Variants in SLIT3 observed in about 807,000 individuals in gnomAD.
SLIT3 encodes the protein slit homolog 3 protein.
A neutral mutation model predicts 184.0 loss-of-function variants in SLIT3; 68 were observed. The ratio of observed to expected loss-of-function variants is 0.37; its 90% CI spans 0.30 to 0.45. The LOEUF (loss-of-function observed/expected upper bound fraction) is 0.45, where lower values mean the gene tolerates loss of function less well. SLIT3 is among the 20% of genes least tolerant of loss of function. The pLI is 1.00. For missense variants in SLIT3, 1,707 were observed against 2,026.0 expected (o/e 0.84, Z 3.02); for synonymous variants, 831 against 828.6 (o/e 1.00, Z -0.05).
intron 4 of SLIT3, among the ~76,000 whole-genome samples, chr5:169,120,709 G>A (rs147351173): frequency 8.9e-4 from 135 of 152,286 alleles, no homozygotes; most frequent in African/African-American, 3.2e-3. Flanking sequence ...CCTTGCACAC[G>A]TGCCTGTTCT....
chr5:169,213,903 G>A (rs1295536984), intron 3 of SLIT3, among the ~76,000 whole-genome samples: 1 of 152,196 alleles, frequency 6.6e-6, no homozygotes, highest in African/African-American at 2.4e-5. Flanking sequence ...AGACTCAGAA[G>A]CTTGGAAGGA....
intron 4 of SLIT3, among the ~76,000 whole-genome samples, chr5:169,168,834 G>A (rs1004989133): frequency 1.4e-4 from 21 of 150,016 alleles, no homozygotes; most frequent in African/African-American, 4.9e-4. Context: ...AGGGGAAATG[G>A]GGGCAAATTG....
intron 32 of SLIT3, among the ~76,000 whole-genome samples, chr5:168,683,557 G>A (rs913372855): frequency 6.6e-6 from 1 of 152,026 alleles, no homozygotes; most frequent in Non-Finnish European, 1.5e-5. Context: ...TGCTCCCTCC[G>A]TGCCCTTGAG....
chr5:169,180,460 A>C (rs1763119189), intron 4 of SLIT3, among the ~76,000 whole-genome samples: 1 of 152,208 alleles, frequency 6.6e-6, no homozygotes, highest in Non-Finnish European at 1.5e-5. Context: ...TTAGATTGAC[A>C]ATGAACAACA....
chr5:168,852,468 G>T lies in SLIT3; in HGVS notation c.486-7813C>A, dbSNP rs570585842. Reference sequence around the variant, plus strand: ...ATTTCTTCCTGGATAGGAGGTCAGTGCCCAGGTGAGATGTTAGTTTTCATT... The same window carrying T: ...ATTTCTTCCTGGATAGGAGGTCAGTTCCCAGGTGAGATGTTAGTTTTCATT... On this transcript the variant is annotated intron_variant, in intron 5 of 35. Coordinates refer to ENST00000519560, the MANE Select transcript of SLIT3 (RefSeq NM_003062.4). Among the ~76,000 whole-genome samples, 7 of 152,284 alleles carry T rather than the reference G, an allele frequency of 4.6e-5. No homozygotes were observed. In the South Asian group the frequency reaches 1.5e-3, roughly 32 times the overall value.
At chr5:168,717,540 T>C (rs1326306105) in intron 23 of SLIT3, among the ~76,000 whole-genome samples, 1 of 152,204 alleles carries the variant, frequency 6.6e-6, no homozygotes, top group Admixed American at 6.5e-5. Flanking sequence ...TTGTGTCTCA[T>C]TCACTGTTTG....
chr5:169,290,999 C>T (rs1351735323), intron 1 of SLIT3, among the ~76,000 whole-genome samples: 2 of 152,148 alleles, frequency 1.3e-5, no homozygotes, highest in Non-Finnish European at 2.9e-5. Context: ...TGCTGGCAGA[C>T]TTTCAGGAGC....
chr5:169,068,973 A>G (rs1370304108), intron 4 of SLIT3, among the ~76,000 whole-genome samples: 1 of 152,180 alleles, frequency 6.6e-6, no homozygotes. Context: ...TCTTTACAAC[A>G]CATAGAATAA....
intron 4 of SLIT3, among the ~76,000 whole-genome samples, chr5:168,884,080 CCTTT>C (rs1259341817): frequency 2.6e-5 from 4 of 151,832 alleles, no homozygotes; most frequent in Non-Finnish European, 4.4e-5. Context: ...AGCCTTACTT[CCTTT>C]CTAAGAAAGA....
Position 168,671,460 on chromosome 5 carries a change from A to T in SLIT3, c.3865T>A (p.Ser1289Thr). 1 of 1,612,068 alleles carries T rather than the reference A, an allele frequency of 6.2e-7. No homozygotes were observed. The highest frequency in any genetic ancestry group is 8.5e-7 in the Non-Finnish European group (1 of 1,179,362). Reference protein sequence around the residue: ...LGGIPTSTGLSALRQGTDRPL... With the variant: ...LGGIPTSTGLTALRQGTDRPL... ...CGGTCCGTGCCCTGGCGCAAGGCAGAGAGGCCGGTGGAGGTGGGGATGCCT... is the reference window on the plus strand; with the variant it reads ...CGGTCCGTGCCCTGGCGCAAGGCAGTGAGGCCGGTGGAGGTGGGGATGCCT... The change falls in exon 34 of 36, where the codon TCT becomes ACT. Residue 1289 changes from serine (S) to threonine (T), a missense_variant. Ser to Thr is a moderately conservative substitution (Grantham distance 58). This residue lies in a region of SLIT3 where 387 missense variants were observed against 477.9 expected (regional missense o/e 0.81). Coordinates refer to ENST00000519560, the MANE Select transcript of SLIT3 (RefSeq NM_003062.4).
At chr5:168,755,362 T>C (rs1754855449) in intron 16 of SLIT3, among the ~76,000 whole-genome samples, 1 of 147,060 alleles carries the variant, frequency 6.8e-6, no homozygotes, top group African/African-American at 2.5e-5. Context: ...AAAGTGAGCT[T>C]GGTCCTATCA....
chr5:169,032,284 T>G (rs187262975), intron 4 of SLIT3, among the ~76,000 whole-genome samples: 2 of 152,214 alleles, frequency 1.3e-5, no homozygotes, highest in Non-Finnish European at 2.9e-5. Context: ...TTTTTTTATC[T>G]CTGTGTCCTG....
At chr5:168,704,166 C>T (rs373783057) in intron 26 of SLIT3, among the ~76,000 whole-genome samples, 3 of 152,050 alleles carry the variant, frequency 2.0e-5, no homozygotes, top group South Asian at 4.1e-4. Flanking sequence ...TTTTAATAAG[C>T]TCTCCAGTGA....
At chr5:169,069,754 C>G (rs1758478545) in intron 4 of SLIT3, among the ~76,000 whole-genome samples, 1 of 149,474 alleles carries the variant, frequency 6.7e-6, no homozygotes, top group Non-Finnish European at 1.5e-5. Flanking sequence ...GGGAGGTGGA[C>G]AGACAGACAG....
intron 3 of SLIT3, among the ~76,000 whole-genome samples, chr5:169,198,595 G>C (rs1377666380): frequency 3.9e-5 from 6 of 152,198 alleles, no homozygotes; most frequent in African/African-American, 1.4e-4. Context: ...GAGGGAGCCA[G>C]AGAAAGGGTT....
intron 2 of SLIT3, among the ~76,000 whole-genome samples, chr5:169,245,038 C>G (rs1394247479): frequency 1.3e-5 from 2 of 152,174 alleles, no homozygotes; most frequent in Non-Finnish European, 2.9e-5. Flanking sequence ...AAATGTCCCC[C>G]CAAGCACTGC....
intron 8 of SLIT3, among the ~76,000 whole-genome samples, chr5:168,812,903 C>T (rs945851049): frequency 6.0e-5 from 9 of 151,244 alleles, no homozygotes; most frequent in South Asian, 4.2e-4. Flanking sequence ...AAAAAAAAGA[C>T]GATGAAAAGG....
In SLIT3 at chr5:168,867,840, C is replaced by T. The variant is rs57022161; in HGVS notation, c.485+15425G>A. Among the ~76,000 whole-genome samples the T allele has an allele frequency of 8.0e-3, 1,210 of 152,168 alleles. 19 individuals carry two copies. Among genetic ancestry groups the T allele is most frequent in the African/African-American group, 0.027 (1,141 of 41,516 alleles). ...TAACATATTAGCAAGATTATTGACA[C>T]CTGCAGCTGCAGGAAAAACCAGAAT... is the stretch of plus-strand genomic sequence containing the variant. On this transcript the variant is annotated intron_variant, in intron 5 of 35. Coordinates refer to ENST00000519560, the MANE Select transcript of SLIT3 (RefSeq NM_003062.4).
intron 4 of SLIT3, among the ~76,000 whole-genome samples, chr5:169,021,895 A>G (rs866834119): frequency 6.6e-6 from 1 of 152,226 alleles, no homozygotes. Context: ...TGAAACATTC[A>G]GTTCATTGGT....
Sources: allele counts gnomAD v4.1 joint callset (sites outside exome capture counted in the v4.1 genomes callset), GRCh38; gene constraint gnomAD v4.1.1; regional missense constraint gnomAD v4.1.1; transcripts MANE v1.5; gene names NCBI Gene and HGNC (gene_info 2026-07-23, HGNC 2026-07-21).